The following CIT variants were observed in gnomAD, a reference collection of about 807,000 sequenced individuals.
CIT encodes the protein citron Rho-interacting kinase.
Under a neutral mutation model 272.7 loss-of-function variants are expected in CIT, and 79 were observed. The observed-to-expected ratio is 0.29, with a 90% CI of 0.24 to 0.35. The LOEUF (loss-of-function observed/expected upper bound fraction) is 0.35, where lower values mean the gene tolerates loss of function less well. Among genes scored for constraint, CIT ranks in the 10% least tolerant of loss-of-function variants. CIT has a pLI of 1.00. For missense variants in CIT, 1,909 were observed against 2,618.3 expected, an observed-to-expected ratio of 0.73 and a Z score of 5.91; for synonymous variants, 948 against 995.6, an observed-to-expected ratio of 0.95 and a Z score of 0.90.
In CIT at chr12:119,855,158, C is replaced by T. The variant is rs559332230; in HGVS notation, c.414+2365G>A. Among the ~76,000 whole-genome samples the T allele has an allele frequency of 3.3e-5, 5 of 152,140 alleles. No individual in the cohort carries two copies. The South Asian group carries it at 1.0e-3, about 32-fold the overall frequency. ...AAACAGTCGGCCAGGCACAGTGGCT[C>T]ACACCTGTAATCCCAGCACTTTGGG... On this transcript the variant is annotated intron_variant, in intron 4 of 47. Coordinates refer to ENST00000392521, the MANE Select transcript of CIT (RefSeq NM_001206999.2).
intron 13 of CIT, chr12:119,782,233 G>A: frequency 4.4e-6 from 1 of 225,024 alleles, no homozygotes; most frequent in Non-Finnish European, 8.6e-6. Flanking sequence ...TTGCCCCACA[G>A]GCTGAAGTCT....
intron 9 of CIT, among the ~76,000 whole-genome samples, chr12:119,813,733 G>A (rs1966891301): frequency 6.6e-6 from 1 of 152,148 alleles, no homozygotes; most frequent in Non-Finnish European, 1.5e-5. Flanking sequence ...CTTGGATGTG[G>A]CATTGCACTG....
chr12:119,780,303 G>A (rs1279187497), intron 13 of CIT, among the ~76,000 whole-genome samples: 1 of 152,122 alleles, frequency 6.6e-6, no homozygotes, highest in East Asian at 1.9e-4. Flanking sequence ...GTAGCTAGGT[G>A]GAAGTAAAAT....
chr12:119,698,323 C>T, intron 44 of CIT: 1 of 429,672 alleles, frequency 2.3e-6, no homozygotes, highest in Non-Finnish European at 4.3e-6. Flanking sequence ...GGCGTGGTGG[C>T]TCACGCCTGT....
chr12:119,869,136 G>A lies in CIT; in HGVS notation c.162C>T (p.Ala54=), dbSNP rs753933654. The change falls in exon 3 of 48, where the codon GCC becomes GCT. Residue 54 remains alanine (A), a synonymous_variant. Transcript: ENST00000392521. ...TGCATTCTTCAAAGAGAACAAAGAG[G>A]GCATCTAATATCCCTTCTCGGGAAA... ...SPLSREGILD[A]LFVLFEECSQ... 1.2e-6 allele frequency: 2 copies of A among 1,613,012 alleles called. No homozygotes were observed. Among genetic ancestry groups the A allele is most frequent in the Admixed American group, 1.7e-5 (1 of 59,714 alleles).
chr12:119,726,986 T>C (rs1958150515), intron 28 of CIT, among the ~76,000 whole-genome samples: 1 of 152,226 alleles, frequency 6.6e-6, no homozygotes, highest in African/African-American at 2.4e-5. Context: ...TGAAATTTGG[T>C]ACTCAGAATA....
At chr12:119,702,830 G>A (rs944067952) in intron 41 of CIT, among the ~76,000 whole-genome samples, 6 of 152,090 alleles carry the variant, frequency 3.9e-5, no homozygotes, top group African/African-American at 1.4e-4. Context: ...CAATGGTTTT[G>A]GTTTCCTTCT....
At chr12:119,866,695 T>A (rs1449891693) in intron 3 of CIT, among the ~76,000 whole-genome samples, 1 of 152,144 alleles carries the variant, frequency 6.6e-6, no homozygotes, top group Non-Finnish European at 1.5e-5. Flanking sequence ...GGCATGGGCC[T>A]GTAGTACTAG....
chr12:119,855,997 T>C (rs913835381), intron 4 of CIT, among the ~76,000 whole-genome samples: 2 of 152,190 alleles, frequency 1.3e-5, no homozygotes. Context: ...TGAGTGAGCA[T>C]CTTCCACTCC....
At chr12:119,742,328 C>A in intron 24 of CIT, 83 bp downstream of exon 24, 1 of 961,818 alleles carries the variant, frequency 1.0e-6, no homozygotes, top group East Asian at 2.7e-5. Context: ...ACTCAGTCAC[C>A]AATATTTTAA....
rs372683930 is a variant in CIT, at chr12:119,712,707, G to A, written c.4580-12C>T. On this transcript the variant is annotated splice_polypyrimidine_tract_variant and intron_variant, in intron 35 of 47. Transcript: ENST00000392521. This position sits in a 1 kb window ranked among gnomAD's most constrained non-coding sequence, Gnocchi z 5.2. ...CGGCCTCTGTCCAGCTTGGTGCAAAGAGGAAGGGCAGAAAGAAAAACAAAA... is the reference window on the plus strand; with the variant it reads ...CGGCCTCTGTCCAGCTTGGTGCAAAAAGGAAGGGCAGAAAGAAAAACAAAA... 7 of 1,609,026 alleles carry A rather than the reference G, an allele frequency of 4.4e-6. No individual in the cohort carries two copies. Among genetic ancestry groups the A allele is most frequent in the South Asian group, 1.1e-5 (1 of 90,956 alleles).
chr12:119,830,664 T>G (rs2138104298), intron 7 of CIT, among the ~76,000 whole-genome samples: 1 of 152,256 alleles, frequency 6.6e-6, no homozygotes, highest in Non-Finnish European at 1.5e-5. Flanking sequence ...AGAGACATTT[T>G]TGGTTATCAC....
At chr12:119,821,808 A>T (rs1164339763) in intron 9 of CIT, among the ~76,000 whole-genome samples, 1 of 152,212 alleles carries the variant, frequency 6.6e-6, no homozygotes, top group African/African-American at 2.4e-5. Context: ...CTATTTATTT[A>T]GAAAAATAAA....
intron 3 of CIT, 56 bp from the exon 4 acceptor site, chr12:119,857,754 C>A (rs1950215218): frequency 9.0e-5 from 121 of 1,339,022 alleles, no homozygotes; most frequent in Non-Finnish European, 1.1e-4. Context: ...ATATATGCAT[C>A]TTTATGAAAG....
chr12:119,776,600 G>T, intron 14 of CIT, 72 bp downstream of exon 14: 2 of 1,448,922 alleles, frequency 1.4e-6, no homozygotes, highest in East Asian at 2.3e-5. Context: ...ATTAAACTAG[G>T]TTCTCCTTTT....
chr12:119,775,779 G>C lies in CIT; in HGVS notation c.1941+7C>G. ...GGTAAGTTCCTGAAAAATCACCTTGGGCTTACCTTCTCCAGTTTCTCTTGG... is the reference window on the plus strand; with the variant it reads ...GGTAAGTTCCTGAAAAATCACCTTGCGCTTACCTTCTCCAGTTTCTCTTGG... On this transcript the variant is annotated splice_region_variant and intron_variant, in intron 16 of 47. Coordinates refer to ENST00000392521, the MANE Select transcript of CIT (RefSeq NM_001206999.2). 6.2e-7 allele frequency: 1 copy of C among 1,612,234 alleles called. No homozygotes were observed. The highest frequency in any genetic ancestry group is 8.5e-7 in the Non-Finnish European group (1 of 1,178,396).
In CIT at chr12:119,770,689, T is replaced by G; in HGVS notation, c.2208+96A>C. 1 of 1,411,592 alleles carries G rather than the reference T, an allele frequency of 7.1e-7. No homozygotes were observed. The highest frequency in any genetic ancestry group is 1.8e-5 in the Admixed American group (1 of 55,340). 87.4% of individuals were successfully genotyped at this position (1,411,592 alleles called of 1,614,324 possible). A position where few individuals can be genotyped will look rare whatever the true frequency, so the allele number is the denominator to read the frequency against. On this transcript the variant is annotated intron_variant, in intron 18 of 47. Coordinates refer to ENST00000392521, the MANE Select transcript of CIT (RefSeq NM_001206999.2). The surrounding 1 kb of genome is among the most constrained non-coding windows in gnomAD (Gnocchi z 4.4). ...CTCAATTCATCTACTTGGAGATACC[T>G]CCCTTATTGTGGCGGTTAATTCTTC...
chr12:119,862,841 G>GA (rs1950393786), intron 3 of CIT, among the ~76,000 whole-genome samples: 1 of 56,656 alleles, frequency 1.8e-5, no homozygotes, highest in African/African-American at 7.9e-5. Context: ...AAAAAAAAAA[G>GA]AAAAAACCAA....
chr12:119,837,291 G>T (rs1593911064), intron 5 of CIT, among the ~76,000 whole-genome samples: 1 of 152,212 alleles, frequency 6.6e-6, no homozygotes, highest in East Asian at 1.9e-4. Context: ...GCTCATTCTA[G>T]TATGAATGGA....
Sources: gnomAD v4.1 joint callset for allele counts (sites outside exome capture counted in the v4.1 genomes callset) on GRCh38, gnomAD v4.1.1 for gene constraint, Gnocchi (gnomAD v3.1) non-coding constraint, MANE v1.5 for transcripts, NCBI Gene and HGNC (gene_info 2026-07-23, HGNC 2026-07-21) for gene names.